Variants in ADTRP observed in about 807,000 individuals in gnomAD.
The protein encoded by ADTRP is androgen-dependent TFPI-regulating protein.
A neutral mutation model predicts 27.0 loss-of-function variants in ADTRP; 20 were observed. That is an observed-to-expected ratio of 0.74 (90% CI 0.52 to 1.08). The LOEUF is 1.08. ADTRP is among the 50% of genes least tolerant of loss of function. The pLI is 0.00. For missense variants in ADTRP, 251 were observed against 275.0 expected, an observed-to-expected ratio of 0.91 and a Z score of 0.62; for synonymous variants, 101 against 105.2, an observed-to-expected ratio of 0.96 and a Z score of 0.25.
chr6:11,770,509 G>GACA (rs995915041), intron 1 of ADTRP, among the ~76,000 whole-genome samples: 1 of 152,148 alleles, frequency 6.6e-6, no homozygotes, highest in African/African-American at 2.4e-5. Flanking sequence ...TTGTCTAAGG[G>GACA]ACAGGAAGGG....
At chr6:11,752,355 C>A (rs1448508195) in intron 3 of ADTRP, among the ~76,000 whole-genome samples, 1 of 151,988 alleles carries the variant, frequency 6.6e-6, no homozygotes, top group African/African-American at 2.4e-5. Context: ...GAATGAATAA[C>A]TTTCTCCTCA....
At chr6:11,758,119 A>C (rs1268905414) in intron 3 of ADTRP, among the ~76,000 whole-genome samples, 2 of 152,212 alleles carry the variant, frequency 1.3e-5, no homozygotes, top group East Asian at 1.9e-4. Flanking sequence ...TGCAGTGGGA[A>C]GTGACCTTCC....
At chr6:11,751,794 G>T (rs1169028823) in intron 3 of ADTRP, among the ~76,000 whole-genome samples, 2 of 152,112 alleles carry the variant, frequency 1.3e-5, no homozygotes, top group Non-Finnish European at 2.9e-5. Context: ...TCTTTATTTT[G>T]CCTCTATTGT....
chr6:11,744,911 C>T (rs1762821162), intron 3 of ADTRP, among the ~76,000 whole-genome samples: 1 of 152,162 alleles, frequency 6.6e-6, no homozygotes. Flanking sequence ...AGTGTGTAAG[C>T]AGCTGGTTTC....
chr6:11,777,397 C>T (rs1387384188), intron 1 of ADTRP, among the ~76,000 whole-genome samples: 1 of 152,086 alleles, frequency 6.6e-6, no homozygotes, highest in Non-Finnish European at 1.5e-5. Context: ...TACAGACACA[C>T]TTCCCTTTTA....
intron 1 of ADTRP, among the ~76,000 whole-genome samples, chr6:11,776,054 A>AG (rs55971505): frequency 1 from 152,378 of 152,378 alleles, 76,189 homozygotes; most frequent in Non-Finnish European, 1. Context: ...TCAGCCCATG[A>AG]ATCTCAAGAG....
At chr6:11,719,624 T>C (rs192969407) in intron 5 of ADTRP, among the ~76,000 whole-genome samples, 2 of 152,322 alleles carry the variant, frequency 1.3e-5, no homozygotes, top group East Asian at 1.9e-4. Flanking sequence ...TCTTGACCGC[T>C]TGGTGCTTGG....
rs749829333 is a variant in ADTRP at position 11,723,504 on chromosome 6, C to T, written c.507-4G>A. ...CTCAAAGTAGAGCCATAGGATGCTG[C>T]AGGAAATAAGAAGTCGTGGTGGTTA... On this transcript the variant is annotated splice_polypyrimidine_tract_variant and splice_region_variant and intron_variant, in intron 4 of 5. Coordinates refer to ENST00000414691, the MANE Select transcript of ADTRP (RefSeq NM_032744.4). 1.9e-6 allele frequency: 3 copies of T among 1,613,206 alleles called. No individual in the cohort carries two copies. The highest frequency in any genetic ancestry group is 4.5e-5 in the East Asian group (2 of 44,876).
At chr6:11,766,135 T>A (rs770763077) in intron 3 of ADTRP, 139 bp downstream of exon 3, 24 of 574,736 alleles carry the variant, frequency 4.2e-5, no homozygotes, top group Admixed American at 1.7e-4. Flanking sequence ...ATACCTTCAA[T>A]ATGCCCTTTA....
intron 5 of ADTRP, among the ~76,000 whole-genome samples, chr6:11,718,303 C>A (rs970891827): frequency 4.6e-5 from 7 of 152,240 alleles, no homozygotes; most frequent in Non-Finnish European, 1.0e-4. Flanking sequence ...TCTCCAACCA[C>A]CCCCACATAG....
At chr6:11,748,658 A>C (rs916193960) in intron 3 of ADTRP, among the ~76,000 whole-genome samples, 1 of 152,248 alleles carries the variant, frequency 6.6e-6, no homozygotes, top group Non-Finnish European at 1.5e-5. Context: ...CACGTACTTC[A>C]TGGAAGGCAG....
chr6:11,727,940 A>C (rs1762264993), intron 4 of ADTRP, among the ~76,000 whole-genome samples: 1 of 127,786 alleles, frequency 7.8e-6, no homozygotes, highest in African/African-American at 2.7e-5. Context: ...GAAGGACGGA[A>C]AGAAGGAAGG....
chr6:11,751,081 G>A (rs1236609561), intron 3 of ADTRP, among the ~76,000 whole-genome samples: 1 of 152,176 alleles, frequency 6.6e-6, no homozygotes, highest in Non-Finnish European at 1.5e-5. Context: ...GAACTTCTGG[G>A]CTCAAGCAAT....
rs1281489315 is a variant in ADTRP at position 11,735,553 on chromosome 6, C to T, written c.506+15G>A. The T allele has an allele frequency of 6.3e-7, 1 of 1,593,472 alleles. No homozygotes were observed. The highest frequency in any genetic ancestry group is 2.2e-5 in the East Asian group (1 of 44,756). On this transcript the variant is annotated intron_variant, in intron 4 of 5. Transcript: ENST00000414691. ...AACGACAAGCCTAAGTTGACTTTCT[C>T]CATGTAATTCTTACCGGCTGATGTA...
At chr6:11,716,719 C>CTTTTTCTTTTTTTT (rs200468981) in intron 5 of ADTRP, among the ~76,000 whole-genome samples, 1 of 125,412 alleles carries the variant, frequency 8.0e-6, no homozygotes, top group Non-Finnish European at 1.6e-5. Flanking sequence ...TTTTCTTTTT[C>CTTTTTCTTTTTTTT]TTTTTTTTTT....
intron 3 of ADTRP, among the ~76,000 whole-genome samples, chr6:11,745,233 C>T (rs779011540): frequency 6.6e-5 from 10 of 151,652 alleles, no homozygotes; most frequent in Non-Finnish European, 1.2e-4. Flanking sequence ...TACCTCTTGC[C>T]AGTGGAGAAG....
intron 3 of ADTRP, among the ~76,000 whole-genome samples, chr6:11,758,372 C>A (rs1225622445): frequency 6.6e-6 from 1 of 152,090 alleles, no homozygotes; most frequent in Non-Finnish European, 1.5e-5. Flanking sequence ...AAACGAGAAT[C>A]CCCGTATGTG....
intron 3 of ADTRP, among the ~76,000 whole-genome samples, chr6:11,744,952 C>A (rs945137435): frequency 1.3e-5 from 2 of 152,126 alleles, no homozygotes; most frequent in Non-Finnish European, 1.5e-5. Flanking sequence ...CTGGAAAGCA[C>A]CCTGTAAGCA....
At chr6:11,731,067 C>G (rs2113891428) in intron 4 of ADTRP, among the ~76,000 whole-genome samples, 1 of 152,310 alleles carries the variant, frequency 6.6e-6, no homozygotes, top group South Asian at 2.1e-4. Context: ...AAGAACAATG[C>G]TCAGAACAGT....
Sources: allele counts gnomAD v4.1 joint callset (sites outside exome capture counted in the v4.1 genomes callset), GRCh38; gene constraint gnomAD v4.1.1; transcripts MANE v1.5; gene names NCBI Gene and HGNC (gene_info 2026-07-23, HGNC 2026-07-21).